Variants in CNTNAP5 observed in about 807,000 individuals in gnomAD.
CNTNAP5 encodes the protein contactin-associated protein-like 5.
CNTNAP5 carries 72 observed loss-of-function variants against 150.2 expected under a neutral mutation model. The ratio of observed to expected loss-of-function variants is 0.48; its 90% CI spans 0.40 to 0.58. The LOEUF (loss-of-function observed/expected upper bound fraction) is 0.58, where lower values mean the gene tolerates loss of function less well. Ranked by LOEUF, CNTNAP5 falls within the 20% of genes least tolerant of loss-of-function variation. The probability of loss-of-function intolerance (pLI) is 0.00; values close to 1 mark genes in which losing one functional copy is unlikely to be tolerated. For synonymous variants in CNTNAP5, 672 were observed against 619.8 expected, an observed-to-expected ratio of 1.08 and a Z score of -1.25; for missense variants, 1,636 against 1,626.2, an observed-to-expected ratio of 1.01 and a Z score of -0.10.
intron 19 of CNTNAP5, among the ~76,000 whole-genome samples, chr2:124,845,547 G>A (rs1025644245): frequency 1.3e-5 from 2 of 151,284 alleles, no homozygotes; most frequent in Non-Finnish European, 2.9e-5. Flanking sequence ...TTGGAATAGT[G>A]TCTATAGGAT....
chr2:124,706,016 C>G (rs1260046826), intron 13 of CNTNAP5, among the ~76,000 whole-genome samples: 1 of 152,140 alleles, frequency 6.6e-6, no homozygotes, highest in East Asian at 1.9e-4. Context: ...CTGCCCAGGT[C>G]TCATCTCTCC....
chr2:124,053,702 C>G (rs1681770943), intron 1 of CNTNAP5, among the ~76,000 whole-genome samples: 2 of 152,166 alleles, frequency 1.3e-5, no homozygotes, highest in South Asian at 4.1e-4. Context: ...CTATTATGAT[C>G]AGAGGTAGCT....
intron 1 of CNTNAP5, among the ~76,000 whole-genome samples, chr2:124,179,451 T>C (rs1021329820): frequency 3.3e-5 from 5 of 152,198 alleles, no homozygotes; most frequent in African/African-American, 1.2e-4. Flanking sequence ...TGAAGCATCA[T>C]GCCCGGCCTA....
intron 17 of CNTNAP5, among the ~76,000 whole-genome samples, chr2:124,787,455 A>G (rs1681623462): frequency 6.6e-6 from 1 of 152,186 alleles, no homozygotes; most frequent in Admixed American, 6.5e-5. Context: ...CACTTACGGG[A>G]ACTGAAAATA....
At chr2:124,257,095 G>T (rs910777038) in intron 3 of CNTNAP5, among the ~76,000 whole-genome samples, 5 of 152,156 alleles carry the variant, frequency 3.3e-5, no homozygotes, top group African/African-American at 1.2e-4. Context: ...GCTAGGAGAA[G>T]AAAAGGGAAG....
chr2:124,629,550 AC>A (rs2105007284), intron 12 of CNTNAP5, among the ~76,000 whole-genome samples: 1 of 152,296 alleles, frequency 6.6e-6, no homozygotes, highest in East Asian at 1.9e-4. Flanking sequence ...TCTCTGGGAC[AC>A]AGCTAAAGCA....
At chr2:124,312,818 C>T (rs879487416) in intron 3 of CNTNAP5, among the ~76,000 whole-genome samples, 4 of 152,210 alleles carry the variant, frequency 2.6e-5, no homozygotes, top group Non-Finnish European at 2.9e-5. Context: ...GATCCACCCA[C>T]CTCGGCCTCC....
chr2:124,561,849 C>G (rs1287715783), intron 10 of CNTNAP5, among the ~76,000 whole-genome samples: 1 of 152,164 alleles, frequency 6.6e-6, no homozygotes, highest in Non-Finnish European at 1.5e-5. Context: ...TTAGTGGCTT[C>G]ACAATGAACC....
intron 13 of CNTNAP5, among the ~76,000 whole-genome samples, chr2:124,701,606 C>T (rs956873325): frequency 1.3e-5 from 2 of 152,044 alleles, no homozygotes; most frequent in East Asian, 1.9e-4. Context: ...CCCCATACTG[C>T]TTTCTAGAAC....
At chr2:124,029,624 A>G (rs1272128278) in intron 1 of CNTNAP5, among the ~76,000 whole-genome samples, 3 of 152,048 alleles carry the variant, frequency 2.0e-5, no homozygotes, top group Non-Finnish European at 2.9e-5. Context: ...GTTCTAATGA[A>G]TGACTATCCT....
chr2:124,729,970 C>T (rs1273097983), intron 13 of CNTNAP5, among the ~76,000 whole-genome samples: 1 of 152,048 alleles, frequency 6.6e-6, no homozygotes, highest in African/African-American at 2.4e-5. Context: ...GACTGAGATC[C>T]TAGAAGGCAG....
At chr2:124,066,358 A>C (rs1276355016) in intron 1 of CNTNAP5, among the ~76,000 whole-genome samples, 1 of 152,188 alleles carries the variant, frequency 6.6e-6, no homozygotes, top group Non-Finnish European at 1.5e-5. Context: ...TTCATTTCAC[A>C]TTGTACATTT....
chr2:124,869,383 A>G (rs984110143), intron 20 of CNTNAP5, among the ~76,000 whole-genome samples: 3 of 152,172 alleles, frequency 2.0e-5, no homozygotes, highest in Non-Finnish European at 4.4e-5. Flanking sequence ...TGCAGCAAAG[A>G]ATTTGGTGAG....
chr2:124,859,410 C>A (rs1431347527), intron 19 of CNTNAP5, among the ~76,000 whole-genome samples: 5 of 152,156 alleles, frequency 3.3e-5, no homozygotes, highest in Non-Finnish European at 5.9e-5. Context: ...CAGGGAACAA[C>A]AGGTGCTGGA....
rs199516711 is a variant in CNTNAP5 at position 124,520,383 on chromosome 2, A to G, written c.1328-3920A>G. 2.0e-4 allele frequency among the ~76,000 whole-genome samples: 31 copies of G among 152,334 alleles called. No homozygotes were observed. In the East Asian group the frequency reaches 5.4e-3, roughly 27 times the overall value. Reference sequence around the variant, plus strand: ...TTTAGAAATAATTCTTCAGAATAAAATTCACAGGAAATGAGGTATGACATT... The same window carrying G: ...TTTAGAAATAATTCTTCAGAATAAAGTTCACAGGAAATGAGGTATGACATT... On this transcript the variant is annotated intron_variant, in intron 8 of 23. Coordinates refer to ENST00000682447, the MANE Select transcript of CNTNAP5 (RefSeq NM_001367498.1).
chr2:124,615,936 T>C (rs1448979957), intron 12 of CNTNAP5, among the ~76,000 whole-genome samples: 1 of 152,210 alleles, frequency 6.6e-6, no homozygotes, highest in Non-Finnish European at 1.5e-5. Flanking sequence ...AGTAATATTT[T>C]GAAAGAAATC....
At chr2:124,203,181 C>A (rs949105941) in intron 1 of CNTNAP5, among the ~76,000 whole-genome samples, 3 of 152,156 alleles carry the variant, frequency 2.0e-5, no homozygotes, top group Non-Finnish European at 2.9e-5. Context: ...AGGCCCCATG[C>A]AAGTCCAAAA....
intron 8 of CNTNAP5, among the ~76,000 whole-genome samples, chr2:124,509,708 A>G (rs1284683979): frequency 6.6e-6 from 1 of 152,168 alleles, no homozygotes; most frequent in Non-Finnish European, 1.5e-5. Flanking sequence ...CATACTGTCC[A>G]TTGCTTAAAT....
intron 7 of CNTNAP5, among the ~76,000 whole-genome samples, chr2:124,476,347 A>G (rs1693640864): frequency 1.3e-5 from 2 of 152,148 alleles, no homozygotes; most frequent in South Asian, 2.1e-4. Flanking sequence ...AAATGTAAAG[A>G]AAAACTCTTG....
Sources: allele counts gnomAD v4.1 joint callset (sites outside exome capture counted in the v4.1 genomes callset), GRCh38; gene constraint gnomAD v4.1.1; transcripts MANE v1.5; gene names NCBI Gene and HGNC (gene_info 2026-07-23, HGNC 2026-07-21).